The following MAST4 variants were observed in gnomAD, a reference collection of about 807,000 sequenced individuals.
MAST4 encodes the protein microtubule-associated serine/threonine-protein kinase 4.
In MAST4, 89 loss-of-function variants were observed where a neutral mutation model predicts 162.7. That is an observed-to-expected ratio of 0.55 (90% CI 0.46 to 0.65). The LOEUF is 0.65. MAST4 is among the 30% of genes least tolerant of loss of function. The pLI is 0.00. For synonymous variants in MAST4, 1,479 were observed against 1,361.1 expected (o/e 1.09, Z -1.91); for missense variants, 3,153 against 3,374.0 (o/e 0.93, Z 1.62).
intron 2 of MAST4, among the ~76,000 whole-genome samples, chr5:66,768,998 TGAGAA>T (rs1303262230): frequency 6.6e-6 from 1 of 151,892 alleles, no homozygotes; most frequent in Non-Finnish European, 1.5e-5. Flanking sequence ...ATATGGGAAT[TGAGAA>T]GAGAAGGAGA....
At chr5:67,000,939 T>C (rs1751223764) in intron 4 of MAST4, among the ~76,000 whole-genome samples, 1 of 152,216 alleles carries the variant, frequency 6.6e-6, no homozygotes. Flanking sequence ...TAGTTTCATT[T>C]ACCTTACAAA....
chr5:66,964,562 G>T (rs1746437269), intron 4 of MAST4, among the ~76,000 whole-genome samples: 1 of 152,136 alleles, frequency 6.6e-6, no homozygotes, highest in Non-Finnish European at 1.5e-5. Flanking sequence ...AGCACTTTGG[G>T]AGGTCGAGGC....
intron 4 of MAST4, chr5:66,958,957 T>TTA: frequency 3.3e-6 from 1 of 305,996 alleles, no homozygotes; most frequent in East Asian, 5.0e-5. Context: ...CGACTTTCTT[T>TTA]AAAAAAAAAA....
Position 67,166,770 on chromosome 5 carries a change from C to G in MAST4, c.7591C>G (p.Leu2531Val), listed in dbSNP as rs773225939. The G allele has an allele frequency of 7.5e-6, 12 of 1,601,438 alleles. No homozygotes were observed. Among genetic ancestry groups the G allele is most frequent in the Admixed American group, 1.7e-5 (1 of 58,202 alleles). Residue 2531 changes from leucine to valine, a missense_variant, in exon 29 of 29, where the codon CTG becomes GTG. Leu to Val is a conservative substitution (Grantham distance 32). Transcript: ENST00000403625. ...LPSFRVSTLP[L>V]ESHHPDPNTM... ...CTCCTTCCGGGTCTCCACCCTGCCTCTGGAGTCACACCACCCCGACCCAAA... is the reference window on the plus strand; with the variant it reads ...CTCCTTCCGGGTCTCCACCCTGCCTGTGGAGTCACACCACCCCGACCCAAA...
At chr5:67,114,331 A>G in intron 12 of MAST4, 112 bp downstream of exon 12, 1 of 1,300,592 alleles carries the variant, frequency 7.7e-7, no homozygotes, top group South Asian at 1.4e-5. Flanking sequence ...CTATCTATTG[A>G]TAAGTCCATA....
intron 1 of MAST4, among the ~76,000 whole-genome samples, chr5:66,633,342 T>G (rs1744906420): frequency 6.6e-6 from 1 of 152,204 alleles, no homozygotes; most frequent in Non-Finnish European, 1.5e-5. Flanking sequence ...GTAAAACATT[T>G]GAATGTGTAC....
intron 2 of MAST4, among the ~76,000 whole-genome samples, chr5:66,783,617 A>G (rs1318450518): frequency 6.6e-6 from 1 of 152,218 alleles, no homozygotes; most frequent in Non-Finnish European, 1.5e-5. Context: ...TGTTGAGGTA[A>G]CAAAGGAATT....
intron 1 of MAST4, among the ~76,000 whole-genome samples, chr5:66,664,321 A>G (rs1431729345): frequency 1.3e-5 from 2 of 150,430 alleles, no homozygotes; most frequent in Non-Finnish European, 3.0e-5. Context: ...GGTAATCCCA[A>G]CTATTCATGA....
chr5:67,069,360 C>A (rs1760649299), intron 5 of MAST4, among the ~76,000 whole-genome samples: 1 of 144,166 alleles, frequency 6.9e-6, no homozygotes, highest in Non-Finnish European at 1.5e-5. Flanking sequence ...ATTTCTAGTT[C>A]TTTGGCTTTA....
chr5:66,997,019 GTACCTTT>G (rs1375983511), intron 4 of MAST4, among the ~76,000 whole-genome samples: 1 of 151,944 alleles, frequency 6.6e-6, no homozygotes, highest in Non-Finnish European at 1.5e-5. Context: ...CCCTCATCTT[GTACCTTT>G]GGCTTTTTCC....
chr5:66,639,520 C>T (rs72759192), intron 1 of MAST4, among the ~76,000 whole-genome samples: 63 of 152,208 alleles, frequency 4.1e-4, no homozygotes, highest in Middle Eastern at 3.4e-3. Flanking sequence ...TAACTATGTT[C>T]GGTGAAACTG....
At chr5:66,702,128 T>C (rs1172399961) in intron 1 of MAST4, among the ~76,000 whole-genome samples, 1 of 152,194 alleles carries the variant, frequency 6.6e-6, no homozygotes, top group African/African-American at 2.4e-5. Context: ...ATTGGCTCCT[T>C]GGCCCTTTCC....
chr5:66,974,518 G>A (rs540744037), intron 4 of MAST4, among the ~76,000 whole-genome samples: 68 of 152,330 alleles, frequency 4.5e-4, no homozygotes, highest in Middle Eastern at 3.4e-3. Flanking sequence ...GGTTCTGGTA[G>A]TATTCAGAAG....
chr5:67,084,596 G>A (rs1432361493), intron 5 of MAST4, among the ~76,000 whole-genome samples: 3 of 152,166 alleles, frequency 2.0e-5, no homozygotes, highest in Non-Finnish European at 4.4e-5. Context: ...TGTGTATCTA[G>A]ATATATAACT....
chr5:66,930,416 C>G (rs752376132), intron 4 of MAST4, among the ~76,000 whole-genome samples: 26 of 152,260 alleles, frequency 1.7e-4, no homozygotes, highest in East Asian at 3.9e-4. Flanking sequence ...TTCCCACAAA[C>G]TAAATGCAGC....
At chr5:66,755,032 C>T (rs1753442960) in intron 1 of MAST4, among the ~76,000 whole-genome samples, 1 of 151,984 alleles carries the variant, frequency 6.6e-6, no homozygotes, top group African/African-American at 2.4e-5. Flanking sequence ...GAGAAGGACT[C>T]CAGCTGTGGA....
chr5:66,869,311 A>G (rs1332654902), intron 3 of MAST4, among the ~76,000 whole-genome samples: 2 of 152,228 alleles, frequency 1.3e-5, no homozygotes, highest in Non-Finnish European at 2.9e-5. Flanking sequence ...TGTATTTCTC[A>G]TGTGAAAACT....
rs563660187 is a variant in MAST4, at chr5:66,867,164, T to C, written c.643-32787T>C. ...GGTTTTCTAGGCTAGAAATGCCTAA[T>C]GACAGATTTTTTTTAATGGAACTAA... On this transcript the variant is annotated intron_variant, in intron 3 of 28. Transcript: ENST00000403625. Among the ~76,000 whole-genome samples, 8 of 152,290 alleles carry C rather than the reference T, an allele frequency of 5.3e-5. No homozygotes were observed. In the East Asian group the frequency reaches 1.5e-3, roughly 29 times the overall value.
chr5:66,742,908 G>A (rs1752553048), intron 1 of MAST4, among the ~76,000 whole-genome samples: 1 of 152,192 alleles, frequency 6.6e-6, no homozygotes, highest in Admixed American at 6.5e-5. Context: ...AACCCCGGGT[G>A]AATAGTAGAA....
Sources: allele counts gnomAD v4.1 joint callset (sites outside exome capture counted in the v4.1 genomes callset), GRCh38; gene constraint gnomAD v4.1.1; transcripts MANE v1.5; gene names NCBI Gene and HGNC (gene_info 2026-07-23, HGNC 2026-07-21).